Variants in SNTG1 observed in about 807,000 individuals in gnomAD.
SNTG1 encodes syntrophin gamma 1, also known as gamma-1-syntrophin.
Under a neutral mutation model 74.7 loss-of-function variants are expected in SNTG1, and 39 were observed. The observed-to-expected ratio is 0.52, with a 90% confidence interval of 0.40 to 0.68. The LOEUF is 0.68. Among genes scored for constraint, SNTG1 ranks in the 30% least tolerant of loss-of-function variants. SNTG1 has a pLI of 0.00. For missense variants in SNTG1, 685 were observed against 609.5 expected (o/e 1.12, Z -1.30); for synonymous variants, 254 against 217.1 (o/e 1.17, Z -1.49).
At chr8:50,023,424 C>A (rs1816994489) in intron 1 of SNTG1, among the ~76,000 whole-genome samples, 1 of 152,060 alleles carries the variant, frequency 6.6e-6, no homozygotes, top group Non-Finnish European at 1.5e-5. Context: ...TAAAAGAAGT[C>A]AACTGGCACT....
At chr8:50,665,566 T>C (rs1018779564) in intron 15 of SNTG1, among the ~76,000 whole-genome samples, 1 of 152,052 alleles carries the variant, frequency 6.6e-6, no homozygotes, top group African/African-American at 2.4e-5. Context: ...AAGCCAGAAC[T>C]CTGTAGAGAA....
At chr8:50,024,049 G>A (rs1817051622) in intron 1 of SNTG1, among the ~76,000 whole-genome samples, 4 of 152,120 alleles carry the variant, frequency 2.6e-5, no homozygotes, top group Admixed American at 2.0e-4. Context: ...GCTCCAGGAT[G>A]GGAACCAAAT....
At chr8:50,213,507 A>T (rs530019176) in intron 2 of SNTG1, among the ~76,000 whole-genome samples, 1 of 152,174 alleles carries the variant, frequency 6.6e-6, no homozygotes, top group Non-Finnish European at 1.5e-5. Context: ...GGGAAAAATA[A>T]ATATGTACTT....
intron 2 of SNTG1, among the ~76,000 whole-genome samples, chr8:50,270,740 G>C (rs905792024): frequency 2.6e-5 from 4 of 152,140 alleles, no homozygotes; most frequent in African/African-American, 7.2e-5. Flanking sequence ...AGACAAACAT[G>C]AGATAAAATC....
rs1210657948 is a variant in SNTG1 at position 50,614,208 on chromosome 8, A to G, written c.849+23291A>G. 2.0e-5 allele frequency among the ~76,000 whole-genome samples: 3 copies of G among 152,168 alleles called. No individual in the cohort carries two copies. The East Asian group carries it at 5.8e-4, about 29-fold the overall frequency. On this transcript the variant is annotated intron_variant, in intron 13 of 18. Coordinates refer to ENST00000642720, the MANE Select transcript of SNTG1 (RefSeq NM_018967.5). ...ATTACAAAGGAATAAGAAAAATTAG[A>G]TGGGATATATATTTTTTGTGGCATT...
intron 1 of SNTG1, among the ~76,000 whole-genome samples, chr8:50,171,649 C>G (rs2082812838): frequency 6.6e-6 from 1 of 152,128 alleles, no homozygotes; most frequent in African/African-American, 2.4e-5. Context: ...TCACACCATC[C>G]AAGAATTATT....
intron 2 of SNTG1, among the ~76,000 whole-genome samples, chr8:50,209,912 G>A (rs1035345764): frequency 3.3e-5 from 5 of 152,060 alleles, no homozygotes; most frequent in Admixed American, 2.6e-4. Context: ...TAGATGACTG[G>A]TAATAAGAAA....
intron 13 of SNTG1, chr8:50,643,911 T>A (rs1303591315): frequency 6.6e-6 from 1 of 152,152 alleles, no homozygotes; most frequent in Non-Finnish European, 1.5e-5. Flanking sequence ...CTGGTCTGAC[T>A]TGTTATTTGA....
intron 13 of SNTG1, among the ~76,000 whole-genome samples, chr8:50,628,062 G>T (rs58292153): frequency 0.043 from 6,543 of 152,198 alleles, 244 homozygotes; most frequent in African/African-American, 0.094. Flanking sequence ...CTGCCTAGGG[G>T]CTACCAGCCA....
At chr8:50,208,695 G>A (rs2084364664) in intron 2 of SNTG1, among the ~76,000 whole-genome samples, 1 of 152,184 alleles carries the variant, frequency 6.6e-6, no homozygotes, top group African/African-American at 2.4e-5. Flanking sequence ...TGCAGTGGCT[G>A]GTACCAGTCT....
chr8:50,450,522 C>A, intron 6 of SNTG1, 34 bp from the exon 7 acceptor site: 2 of 1,607,592 alleles, frequency 1.2e-6, no homozygotes, highest in East Asian at 4.5e-5. Context: ...CAAAAACAGT[C>A]AATGCATTAT....
intron 4 of SNTG1, among the ~76,000 whole-genome samples, chr8:50,405,980 T>C (rs1374918374): frequency 6.6e-6 from 1 of 152,114 alleles, no homozygotes; most frequent in Non-Finnish European, 1.5e-5. Flanking sequence ...CTTTTGTTTG[T>C]TTGTTTTTAC....
At chr8:50,064,751 C>T (rs558534776) in intron 1 of SNTG1, among the ~76,000 whole-genome samples, 2 of 152,210 alleles carry the variant, frequency 1.3e-5, no homozygotes, top group African/African-American at 4.8e-5. Context: ...TCTGACCGGA[C>T]GTTTACCTCC....
chr8:49,943,062 T>C (rs1354270865), intron 1 of SNTG1, among the ~76,000 whole-genome samples: 5 of 152,234 alleles, frequency 3.3e-5, no homozygotes, highest in Non-Finnish European at 5.9e-5. Context: ...TATGAACTCA[T>C]GGATGTTTAT....
intron 15 of SNTG1, among the ~76,000 whole-genome samples, chr8:50,689,183 C>A (rs1395369260): frequency 1.3e-5 from 2 of 151,974 alleles, no homozygotes; most frequent in Non-Finnish European, 2.9e-5. Context: ...ATATACAATC[C>A]TGTAGTCTGC....
chr8:50,716,868 G>C (rs1055813818), intron 17 of SNTG1, among the ~76,000 whole-genome samples: 1 of 151,834 alleles, frequency 6.6e-6, no homozygotes, highest in South Asian at 2.1e-4. Flanking sequence ...GAGTAACTGG[G>C]ACTACAGGGG....
intron 12 of SNTG1, among the ~76,000 whole-genome samples, chr8:50,579,921 G>A (rs1316952234): frequency 6.6e-6 from 1 of 152,170 alleles, no homozygotes; most frequent in Non-Finnish European, 1.5e-5. Context: ...CAGTGGAGCT[G>A]TGAGAAGGCC....
chr8:50,011,789 C>T (rs565075931), intron 1 of SNTG1: 20 of 152,206 alleles, frequency 1.3e-4, no homozygotes, highest in African/African-American at 3.6e-4. Flanking sequence ...ACACTGGACA[C>T]GTTGGTGGGA....
chr8:49,942,259 C>T (rs942413210), intron 1 of SNTG1, among the ~76,000 whole-genome samples: 3 of 152,206 alleles, frequency 2.0e-5, no homozygotes, highest in South Asian at 4.1e-4. Flanking sequence ...ACACAACTTT[C>T]ATTTGCATAT....
Sources: allele counts gnomAD v4.1 joint callset (sites outside exome capture counted in the v4.1 genomes callset), GRCh38; gene constraint gnomAD v4.1.1; transcripts MANE v1.5; gene names NCBI Gene and HGNC (gene_info 2026-07-23, HGNC 2026-07-21).